DLGAP4: variants seen among roughly 807,000 people sequenced by gnomAD.
The protein encoded by DLGAP4 is disks large-associated protein 4.
DLGAP4 carries 18 observed loss-of-function variants against 86.9 expected under a neutral mutation model. The ratio of observed to expected loss-of-function variants is 0.21; its 90% CI spans 0.14 to 0.31. The LOEUF (loss-of-function observed/expected upper bound fraction) is 0.31, where lower values mean the gene tolerates loss of function less well. Ranked by LOEUF, DLGAP4 falls within the 10% of genes least tolerant of loss-of-function variation. The pLI is 1.00. For synonymous variants in DLGAP4, 548 were observed against 574.3 expected (o/e 0.95, Z 0.65); for missense variants, 1,085 against 1,362.6 (o/e 0.80, Z 3.21).
At chr20:36,323,774 T>C (rs80128483) in intron 1 of DLGAP4, among the ~76,000 whole-genome samples, 1,907 of 152,336 alleles carry the variant, frequency 0.013, 25 homozygotes, top group South Asian at 0.05. Flanking sequence ...TTAGTTAGAT[T>C]CCCATAAGGG....
At chr20:36,508,422 C>CTTTTTTTTTT (rs745815364) in intron 10 of DLGAP4, 13 of 94,468 alleles carry the variant, frequency 1.4e-4, no homozygotes, top group African/African-American at 5.1e-4. Flanking sequence ...TTTCAGGGTT[C>CTTTTTTTTTT]TTTTTTTTTT....
intron 2 of DLGAP4, among the ~76,000 whole-genome samples, chr20:36,425,246 A>G (rs1353516954): frequency 6.6e-6 from 1 of 152,144 alleles, no homozygotes; most frequent in African/African-American, 2.4e-5. Context: ...ATGACAAACA[A>G]CCCAATTATA....
At chr20:36,409,133 T>C (rs2032412196) in intron 2 of DLGAP4, among the ~76,000 whole-genome samples, 1 of 150,730 alleles carries the variant, frequency 6.6e-6, no homozygotes, top group African/African-American at 2.4e-5. Flanking sequence ...CCTCCCGGGT[T>C]CAAGCGATTC....
Position 36,467,044 on chromosome 20 carries a change from C to G in DLGAP4, c.1648+20107C>G, listed in dbSNP as rs913658369. On this transcript the variant is annotated intron_variant, in intron 7 of 12. Transcript: ENST00000339266. The stretch of plus-strand genomic sequence containing the variant: ...TCTCTCTCTCTCTCTCTCTCTCTCT[C>G]TCTCTCTCTCTCTCTCTCTCCCCCC... Among the ~76,000 whole-genome samples, 3 of 132,518 alleles carry G rather than the reference C, an allele frequency of 2.3e-5. 1 individual carries two copies. Among genetic ancestry groups the G allele is most frequent in the Non-Finnish European group, 4.6e-5 (3 of 65,504 alleles). 86.9% of individuals were successfully genotyped at this position (132,518 alleles called of 152,430 possible).
chr20:36,493,612 G>C (rs1172574264), intron 7 of DLGAP4, among the ~76,000 whole-genome samples: 3 of 152,218 alleles, frequency 2.0e-5, no homozygotes, highest in Non-Finnish European at 4.4e-5. Context: ...GGCCCAGCAG[G>C]ATGCTGTAGG....
At chr20:36,472,910 G>GC (rs2034734093) in intron 7 of DLGAP4, among the ~76,000 whole-genome samples, 1 of 152,138 alleles carries the variant, frequency 6.6e-6, no homozygotes, top group Non-Finnish European at 1.5e-5. Flanking sequence ...ACTGGGTGGG[G>GC]CCCCGCAGGG....
At chr20:36,321,261 G>A (rs1270634074) in intron 1 of DLGAP4, among the ~76,000 whole-genome samples, 5 of 152,354 alleles carry the variant, frequency 3.3e-5, no homozygotes, top group South Asian at 2.1e-4. Flanking sequence ...GGAACAGCAC[G>A]TGCAAAGGGC....
rs1172835708 is a variant in DLGAP4 at position 36,327,756 on chromosome 20, T to C, written c.-304+21244T>C. On this transcript the variant is annotated intron_variant, in intron 1 of 12. Transcript: ENST00000339266. ...ACAGGCGCCCGCCACTACGCCCGGC[T>C]AATTTTTTGTATTTTTAGTAGAGAC... Among the ~76,000 whole-genome samples, 402 of 148,780 alleles carry C rather than the reference T, an allele frequency of 2.7e-3. 2 individuals are homozygous for C. Among genetic ancestry groups the C allele is most frequent in the African/African-American group, 9.6e-3 (395 of 40,994 alleles).
intron 1 of DLGAP4, among the ~76,000 whole-genome samples, chr20:36,316,428 T>C (rs947448597): frequency 6.6e-6 from 1 of 152,146 alleles, no homozygotes; most frequent in Non-Finnish European, 1.5e-5. Flanking sequence ...TCCCTTTCCC[T>C]GGAAATCCTT....
chr20:36,366,725 G>T (rs1379209531), intron 1 of DLGAP4, among the ~76,000 whole-genome samples: 1 of 152,200 alleles, frequency 6.6e-6, no homozygotes, highest in Non-Finnish European at 1.5e-5. Flanking sequence ...CGGGGAAAAG[G>T]AGGAAGAAGC....
chr20:36,460,344 A>AT (rs138337087), intron 7 of DLGAP4, among the ~76,000 whole-genome samples: 5,374 of 152,338 alleles, frequency 0.035, 136 homozygotes, highest in East Asian at 0.052. Context: ...CAGGCGTAGC[A>AT]TAAGTGACTG....
chr20:36,479,762 CT>C (rs1447928205), intron 7 of DLGAP4, among the ~76,000 whole-genome samples: 1 of 152,102 alleles, frequency 6.6e-6, no homozygotes. Flanking sequence ...TAGAATGGTG[CT>C]GCTACAGTGC....
In DLGAP4 at chr20:36,334,512, G is replaced by A. The variant is rs539346922; in HGVS notation, c.-304+28000G>A. On this transcript the variant is annotated intron_variant, in intron 1 of 12. Coordinates refer to ENST00000339266, the MANE Select transcript of DLGAP4 (RefSeq NM_001365621.2). Reference sequence around the variant, plus strand: ...AAGCCCCCTGTGTGTGCAGCAGGGAGTGCAATTTGCAGGGGCCCAGGTGGC... The same window carrying A: ...AAGCCCCCTGTGTGTGCAGCAGGGAATGCAATTTGCAGGGGCCCAGGTGGC... 6.7e-4 allele frequency among the ~76,000 whole-genome samples: 102 copies of A among 152,320 alleles called. 1 individual carries two copies. The highest frequency in any genetic ancestry group is 5.6e-3 in the Admixed American group (86 of 15,304).
In DLGAP4 at chr20:36,421,284, C is replaced by T. The variant is rs6124816; in HGVS notation, c.-72-10362C>T. Among the ~76,000 whole-genome samples, 25 of 151,984 alleles carry T rather than the reference C, an allele frequency of 1.6e-4. No homozygotes were observed. The East Asian group carries it at 3.3e-3, about 20-fold the overall frequency. ...CAGCCTGGCCAACATGGTGAACCCC[C>T]GTGTCTGCTAAGAATACAAAAAAAT... On this transcript the variant is annotated intron_variant, in intron 2 of 12. Coordinates refer to ENST00000339266, the MANE Select transcript of DLGAP4 (RefSeq NM_001365621.2).
chr20:36,391,051 T>C (rs1424635919), intron 2 of DLGAP4, among the ~76,000 whole-genome samples: 1 of 152,162 alleles, frequency 6.6e-6, no homozygotes, highest in African/African-American at 2.4e-5. Flanking sequence ...GGGACATGAA[T>C]AGTTGGGACT....
At chr20:36,458,344 CTTTTT>C (rs1173496431) in intron 7 of DLGAP4, among the ~76,000 whole-genome samples, 5 of 91,414 alleles carry the variant, frequency 5.5e-5, no homozygotes, top group Admixed American at 2.3e-4. Context: ...AACCCCATAT[CTTTTT>C]TTTTTTTTTT....
At chr20:36,447,799 G>C (rs1328875321) in intron 7 of DLGAP4, among the ~76,000 whole-genome samples, 1 of 146,082 alleles carries the variant, frequency 6.8e-6, no homozygotes, top group Non-Finnish European at 1.5e-5. Context: ...AACTGAGCAA[G>C]CCATGAAATA....
intron 7 of DLGAP4, among the ~76,000 whole-genome samples, chr20:36,451,053 T>G (rs951373831): frequency 6.6e-6 from 1 of 152,222 alleles, no homozygotes; most frequent in African/African-American, 2.4e-5. Flanking sequence ...ACACCTTTCT[T>G]AGCTTGCTTC....
intron 5 of DLGAP4, among the ~76,000 whole-genome samples, chr20:36,440,313 C>T (rs535925695): frequency 1.3e-5 from 2 of 152,224 alleles, no homozygotes; most frequent in East Asian, 3.9e-4. Flanking sequence ...TAAGTGGGAT[C>T]GTGAAGGCGG....
Sources: gnomAD v4.1 joint callset for allele counts (sites outside exome capture counted in the v4.1 genomes callset) on GRCh38, gnomAD v4.1.1 for gene constraint, MANE v1.5 for transcripts, NCBI Gene and HGNC (gene_info 2026-07-23, HGNC 2026-07-21) for gene names.